Variants in ZNF638 observed in about 807,000 individuals in gnomAD.
ZNF638 encodes zinc finger protein 638.
ZNF638 carries 46 observed loss-of-function variants against 195.6 expected under a neutral mutation model. The ratio of observed to expected loss-of-function variants is 0.24; its 90% CI spans 0.19 to 0.30. The LOEUF (loss-of-function observed/expected upper bound fraction) is 0.30, where lower values mean the gene tolerates loss of function less well. Ranked by LOEUF, ZNF638 falls within the 10% of genes least tolerant of loss-of-function variation. ZNF638 has a pLI of 1.00. For synonymous variants in ZNF638, 845 were observed against 772.0 expected (o/e 1.09, Z -1.57); for missense variants, 2,440 against 2,325.3 (o/e 1.05, Z -1.01).
rs553318277 is a variant in ZNF638, at chr2:71,427,348, G to A, written c.5479G>A (p.Val1827Met). 3.7e-6 allele frequency: 6 copies of A among 1,602,684 alleles called. No individual in the cohort carries two copies. The African/African-American group carries it at 6.8e-5, about 18-fold the overall frequency. ...KKTKLESLSQ[V>M]GPVNENVMEE... Reference sequence around the variant, plus strand: ...GACAAAACTTGAATCCTTGTCCCAAGTGGGTCCAGTAAATGAGAATGTTAT... The same window carrying A: ...GACAAAACTTGAATCCTTGTCCCAAATGGGTCCAGTAAATGAGAATGTTAT... Residue 1827 changes from valine to methionine, a missense_variant, in exon 24 of 28, where the codon GTG becomes ATG. Transcript: ENST00000264447.
At position 71,405,466 on chromosome 2, in the gene ZNF638, TTGC is replaced by T. The variant is rs1218360074; in HGVS notation, c.2959-130_2959-128del. ...AAGATTTTTGGAAAGAATGTAAATC[TTGC>T]TGCTTCTTAATTTTATAAAATACTT... On this transcript the variant is annotated intron_variant, in intron 17 of 27. Coordinates refer to ENST00000264447, the MANE Select transcript of ZNF638 (RefSeq NM_014497.5). 14 of 584,008 alleles carry T rather than the reference TTGC, an allele frequency of 2.4e-5. No individual in the cohort carries two copies. The East Asian group carries it at 3.8e-4, about 16-fold the overall frequency. 36.2% of individuals were successfully genotyped at this position (584,008 alleles called of 1,614,324 possible).
In ZNF638 at chr2:71,405,606, T is replaced by C. The variant is rs1216069727; in HGVS notation, c.2964T>C (p.Ala988=). 4.5e-6 allele frequency: 7 copies of C among 1,569,716 alleles called. No homozygotes were observed. In the East Asian group the frequency reaches 1.4e-4, roughly 31 times the overall value. ...PENMNIKDEE[A]IFITLVKEND... is the part of the protein sequence containing the mutation. ...TATCTATTTTTGCTTTTTAGGAAGC[T>C]ATATTTATAACCTTGGTAAAAGAAA... Residue 988 remains alanine, a synonymous_variant, in exon 18 of 28, where the codon GCT becomes GCC. Coordinates refer to ENST00000264447, the MANE Select transcript of ZNF638 (RefSeq NM_014497.5).
intron 11 of ZNF638, among the ~76,000 whole-genome samples, chr2:71,396,996 G>A (rs1009863739): frequency 6.6e-6 from 1 of 152,128 alleles, no homozygotes; most frequent in African/African-American, 2.4e-5. Flanking sequence ...AAAAGGAAAG[G>A]AAACAGCCTG....
At chr2:71,338,179 T>C (rs2078703769) in intron 1 of ZNF638, among the ~76,000 whole-genome samples, 2 of 152,192 alleles carry the variant, frequency 1.3e-5, no homozygotes, top group Admixed American at 1.3e-4. Context: ...TTTAAGACCA[T>C]GCAAATATCC....
At chr2:71,431,241 A>G (rs866468772) in intron 25 of ZNF638, 86 bp from the exon 26 acceptor site, 17 of 1,203,692 alleles carry the variant, frequency 1.4e-5, no homozygotes, top group Middle Eastern at 4.0e-4. Context: ...TTCCCTGAGA[A>G]AGAAAAAGGT....
At position 71,363,949 on chromosome 2, in the gene ZNF638, T is replaced by C. The variant is rs769101486; in HGVS notation, c.1419-5T>C. The C allele has an allele frequency of 1.9e-6, 3 of 1,601,778 alleles. No individual in the cohort carries two copies. The highest frequency in any genetic ancestry group is 8.5e-7 in the Non-Finnish European group (1 of 1,173,602). ...TCACTTTCTTTTCCGCCCCCCTGCT[T>C]GTAGAAATGAGGGCAATAGAAAAGA... On this transcript the variant is annotated splice_region_variant and splice_polypyrimidine_tract_variant and intron_variant, in intron 4 of 27. Transcript: ENST00000264447.
At chr2:71,400,006 C>A in intron 13 of ZNF638, 106 bp from the exon 14 acceptor site, 1 of 886,944 alleles carries the variant, frequency 1.1e-6, no homozygotes, top group Non-Finnish European at 1.7e-6. Flanking sequence ...GTCAGGTCAG[C>A]CTAAGGAGAC....
At chr2:71,399,525 C>A in intron 12 of ZNF638, 34 bp from the exon 13 acceptor site, 1 of 1,468,820 alleles carries the variant, frequency 6.8e-7, no homozygotes, top group Non-Finnish European at 9.5e-7. Context: ...TTTAACAAGA[C>A]CTTTAGAATA....
Position 71,350,009 on chromosome 2 carries a change from C to T in ZNF638, c.1055C>T (p.Pro352Leu). The T allele has an allele frequency of 1.9e-6, 3 of 1,614,184 alleles. No homozygotes were observed. Among genetic ancestry groups the T allele is most frequent in the Non-Finnish European group, 2.5e-6 (3 of 1,180,024 alleles). The change falls in exon 2 of 28, where the codon CCA becomes CTA. Residue 352 changes from proline to leucine, a missense_variant. Around this residue, in one of 5 missense-constraint regions of ZNF638, gnomAD observed 305 missense variants for 283.6 expected, o/e 1.08. Transcript: ENST00000264447. Reference sequence around the variant, plus strand: ...TCTGTAAGCCAGCAAGAGCGGATCCCACATGAACCTGTGATTAATTCATCT... The same window carrying T: ...TCTGTAAGCCAGCAAGAGCGGATCCTACATGAACCTGTGATTAATTCATCT... ...ISSVSQQERIPHEPVINSSNV... is the reference protein window; with the variant it reads ...ISSVSQQERILHEPVINSSNV...
At chr2:71,398,612 A>T (rs1418178562) in intron 11 of ZNF638, 89 bp from the exon 12 acceptor site, 115 of 1,033,226 alleles carry the variant, frequency 1.1e-4, no homozygotes, top group Non-Finnish European at 2.7e-5. Context: ...ACAGCCTATT[A>T]TTCTTACATC....
intron 25 of ZNF638, chr2:71,431,116 T>C (rs759239861): frequency 3.5e-4 from 168 of 473,904 alleles, no homozygotes; most frequent in Non-Finnish European, 6.1e-4. Flanking sequence ...GCTGTTAGCT[T>C]TAGACCTATA....
At position 71,424,030 on chromosome 2, in the gene ZNF638, A is replaced by C; in HGVS notation, c.4516A>C (p.Asn1506His). 1 of 1,613,338 alleles carries C rather than the reference A, an allele frequency of 6.2e-7. No individual in the cohort carries two copies. The highest frequency in any genetic ancestry group is 8.5e-7 in the Non-Finnish European group (1 of 1,179,516). Residue 1506 changes from asparagine to histidine, a missense_variant, in exon 22 of 28, where the codon AAC becomes CAC. Around this residue, in one of 5 missense-constraint regions of ZNF638, gnomAD observed 1,883 missense variants for 1,739.1 expected, o/e 1.08. Transcript: ENST00000264447. ...RPSIMKRDDS[N>H]NKTLAEQNTK... ...TTCCATCATGAAACGGGATGACAGC[A>C]ACAATAAGGTGAGGAGGGTAGGAAG... is the stretch of plus-strand genomic sequence containing the variant.
chr2:71,340,493 T>C (rs1395913513), intron 1 of ZNF638, among the ~76,000 whole-genome samples: 1 of 152,238 alleles, frequency 6.6e-6, no homozygotes, highest in Non-Finnish European at 1.5e-5. Flanking sequence ...TAACTACCCA[T>C]TGTAATAACT....
chr2:71,347,474 G>A (rs538119389), intron 1 of ZNF638, among the ~76,000 whole-genome samples: 1 of 152,294 alleles, frequency 6.6e-6, no homozygotes, highest in East Asian at 1.9e-4. Flanking sequence ...TAAAGTAACG[G>A]ATGAAATTGT....
intron 7 of ZNF638, 53 bp from the exon 8 acceptor site, chr2:71,369,830 A>G (rs77154490): frequency 0.012 from 18,254 of 1,516,232 alleles, 162 homozygotes; most frequent in Non-Finnish European, 0.014. Context: ...TTTAAAATGC[A>G]GGAACTTTTA....
intron 10 of ZNF638, among the ~76,000 whole-genome samples, chr2:71,394,186 G>A (rs78118529): frequency 0.02 from 3,114 of 152,250 alleles, 45 homozygotes; most frequent in African/African-American, 0.041. Flanking sequence ...CCATACTGAT[G>A]TTTGCATCCA....
Position 71,428,618 on chromosome 2 carries a change from G to A in ZNF638, c.5617G>A (p.Ala1873Thr). 6.2e-7 allele frequency: 1 copy of A among 1,614,018 alleles called. No individual in the cohort carries two copies. The highest frequency in any genetic ancestry group is 8.5e-7 in the Non-Finnish European group (1 of 1,179,948). The change falls in exon 25 of 28, where the codon GCA becomes ACA. Residue 1873 changes from alanine (A) to threonine (T), a missense_variant. Ala to Thr is a moderately conservative substitution (Grantham distance 58). This residue lies in a region of ZNF638 where 1,883 missense variants were observed against 1,739.1 expected (regional missense o/e 1.08). Coordinates refer to ENST00000264447, the MANE Select transcript of ZNF638 (RefSeq NM_014497.5). ...AGAAAAAGCTGTTGTGACAGAACCA[G>A]CAAAAGGTGAAGAGGCCTTCCAGAT... ...PSEKAVVTEP[A>T]KGEEAFQMSE...
intron 19 of ZNF638, among the ~76,000 whole-genome samples, chr2:71,406,698 A>C (rs758866371): frequency 3.3e-5 from 5 of 152,152 alleles, no homozygotes; most frequent in Non-Finnish European, 7.3e-5. Context: ...GTTTATATGG[A>C]AAGAGAGAGA....
chr2:71,425,467 C>T (rs971279452), intron 23 of ZNF638, among the ~76,000 whole-genome samples: 6 of 151,486 alleles, frequency 4.0e-5, no homozygotes, highest in African/African-American at 1.2e-4. Context: ...ATTCTAATGT[C>T]GTTATTATAT....
Sources: gnomAD v4.1 joint callset for allele counts (sites outside exome capture counted in the v4.1 genomes callset) on GRCh38, gnomAD v4.1.1 for gene constraint, gnomAD v4.1.1 regional missense constraint, MANE v1.5 for transcripts, NCBI Gene and HGNC (gene_info 2026-07-23, HGNC 2026-07-21) for gene names.